The following CSMD1 variants were observed in gnomAD, a reference collection of about 807,000 sequenced individuals.
The protein encoded by CSMD1 is CUB and Sushi multiple domains 1, also known as CUB and sushi domain-containing protein 1.
CSMD1 carries 213 observed loss-of-function variants against 417.5 expected under a neutral mutation model. The ratio of observed to expected loss-of-function variants is 0.51; its 90% CI spans 0.46 to 0.57. CSMD1 has a LOEUF of 0.57. Ranked by LOEUF, CSMD1 falls within the 20% of genes least tolerant of loss-of-function variation. CSMD1 has a pLI of 0.00. For synonymous variants in CSMD1, 2,862 were observed against 1,736.8 expected, an observed-to-expected ratio of 1.65 and a Z score of -16.11; for missense variants, 6,923 against 4,529.7, an observed-to-expected ratio of 1.53 and a Z score of -15.17.
intron 1 of CSMD1, among the ~76,000 whole-genome samples, chr8:4,738,432 A>G (rs1193221412): frequency 6.6e-6 from 1 of 152,110 alleles, no homozygotes; most frequent in East Asian, 1.9e-4. Context: ...GAAGGGGGAA[A>G]AGCCCCTTAT....
chr8:4,453,348 C>G (rs1799266426), intron 2 of CSMD1, among the ~76,000 whole-genome samples: 1 of 152,168 alleles, frequency 6.6e-6, no homozygotes, highest in Non-Finnish European at 1.5e-5. Context: ...ACCAACTGCC[C>G]CAGTCTGCTG....
intron 5 of CSMD1, among the ~76,000 whole-genome samples, chr8:3,965,316 A>T (rs913439890): frequency 2.6e-5 from 4 of 152,182 alleles, no homozygotes; most frequent in African/African-American, 9.7e-5. Context: ...AAATGCTACC[A>T]TGAAGATAAT....
intron 2 of CSMD1, among the ~76,000 whole-genome samples, chr8:4,478,076 C>T (rs1800897719): frequency 6.6e-6 from 1 of 152,134 alleles, no homozygotes; most frequent in Non-Finnish European, 1.5e-5. Context: ...CTGATTTTAA[C>T]CTGTTTTTTT....
chr8:4,263,549 C>A (rs914048619), intron 3 of CSMD1, among the ~76,000 whole-genome samples: 1 of 152,140 alleles, frequency 6.6e-6, no homozygotes, highest in Non-Finnish European at 1.5e-5. Context: ...ACTTTGATGT[C>A]TTTCTTGGAA....
chr8:4,861,180 T>C (rs1020758513), intron 1 of CSMD1, among the ~76,000 whole-genome samples: 2 of 152,162 alleles, frequency 1.3e-5, no homozygotes, highest in African/African-American at 4.8e-5. Flanking sequence ...GATAATAGAT[T>C]CTGACATTTA....
At chr8:4,343,922 A>T (rs2128896573) in intron 3 of CSMD1, among the ~76,000 whole-genome samples, 1 of 152,288 alleles carries the variant, frequency 6.6e-6, no homozygotes, top group Admixed American at 6.5e-5. Flanking sequence ...AAATACTGCC[A>T]AGAGAAGTGT....
At position 4,110,095 on chromosome 8, in the gene CSMD1, A is replaced by G. The variant is rs563854367; in HGVS notation, c.416-77996T>C. On this transcript the variant is annotated intron_variant, in intron 3 of 69. Coordinates refer to ENST00000635120, the MANE Select transcript of CSMD1 (RefSeq NM_033225.6). Reference sequence around the variant, plus strand: ...CACGTGGAATAATAAGCTTTCCTCCAGCATGGAAATAACGGTGGAGTTGGA... The same window carrying G: ...CACGTGGAATAATAAGCTTTCCTCCGGCATGGAAATAACGGTGGAGTTGGA... Among the ~76,000 whole-genome samples the G allele has an allele frequency of 8.9e-4, 136 of 152,322 alleles. 1 individual carries two copies. The highest frequency in any genetic ancestry group is 3.2e-3 in the African/African-American group (132 of 41,594).
chr8:4,523,997 A>G (rs1040632685), intron 2 of CSMD1, among the ~76,000 whole-genome samples: 1 of 152,030 alleles, frequency 6.6e-6, no homozygotes, highest in African/African-American at 2.4e-5. Context: ...ATGGGTCCCT[A>G]TGTTAGGTTT....
At chr8:3,064,665 AC>A (rs1812802074) in intron 49 of CSMD1, among the ~76,000 whole-genome samples, 3 of 152,186 alleles carry the variant, frequency 2.0e-5, no homozygotes, top group Admixed American at 1.3e-4. Context: ...CAGTAAGCAA[AC>A]CAGCTGCTGA....
At position 3,544,068 on chromosome 8, in the gene CSMD1, G is replaced by A. The variant is rs551995108; in HGVS notation, c.1344+30877C>T. On this transcript the variant is annotated intron_variant, in intron 10 of 69. Coordinates refer to ENST00000635120, the MANE Select transcript of CSMD1 (RefSeq NM_033225.6). ...GTGTCCAGTGCTAACCACAGGCCAA[G>A]GTGTGAGAGGTGTTTGAACCAGAGC... Among the ~76,000 whole-genome samples, 94 of 152,240 alleles carry A rather than the reference G, an allele frequency of 6.2e-4. 1 individual carries two copies. The highest frequency in any genetic ancestry group is 2.2e-3 in the African/African-American group (91 of 41,572).
At chr8:3,487,989 A>G (rs1347128249) in intron 11 of CSMD1, among the ~76,000 whole-genome samples, 1 of 149,466 alleles carries the variant, frequency 6.7e-6, no homozygotes, top group African/African-American at 2.5e-5. Context: ...GACACAGAAG[A>G]CTAAAAAAAA....
intron 2 of CSMD1, among the ~76,000 whole-genome samples, chr8:4,483,188 C>T (rs1303116680): frequency 6.6e-6 from 1 of 152,144 alleles, no homozygotes; most frequent in Non-Finnish European, 1.5e-5. Flanking sequence ...ACTTGGTTCT[C>T]ATTCTCTCTC....
intron 2 of CSMD1, among the ~76,000 whole-genome samples, chr8:4,588,806 A>ACACACACAC (rs1563313415): frequency 1.3e-5 from 2 of 150,982 alleles, no homozygotes; most frequent in Non-Finnish European, 3.0e-5. Flanking sequence ...ACACACACAC[A>ACACACACAC]AAAGAAACTC....
At chr8:4,233,979 G>C (rs912430744) in intron 3 of CSMD1, among the ~76,000 whole-genome samples, 1 of 151,918 alleles carries the variant, frequency 6.6e-6, no homozygotes, top group Non-Finnish European at 1.5e-5. Flanking sequence ...GGCGGGGGGT[G>C]GGGGAACATG....
intron 2 of CSMD1, among the ~76,000 whole-genome samples, chr8:4,513,023 C>T (rs1310054799): frequency 6.6e-6 from 1 of 152,054 alleles, no homozygotes; most frequent in Non-Finnish European, 1.5e-5. Context: ...ATAAGCAGAG[C>T]ACAGATAATT....
intron 23 of CSMD1, among the ~76,000 whole-genome samples, chr8:3,328,462 A>G (rs916953031): frequency 6.6e-6 from 1 of 152,122 alleles, no homozygotes; most frequent in African/African-American, 2.4e-5. Context: ...ACCTTACAAA[A>G]TTTTGTCTGT....
At chr8:3,457,362 C>A (rs1479674125) in intron 12 of CSMD1, among the ~76,000 whole-genome samples, 1 of 152,186 alleles carries the variant, frequency 6.6e-6, no homozygotes, top group East Asian at 1.9e-4. Flanking sequence ...CTAACTTCTT[C>A]AGTTTCTCTC....
intron 3 of CSMD1, among the ~76,000 whole-genome samples, chr8:4,268,586 A>G (rs1211669188): frequency 6.6e-6 from 1 of 152,182 alleles, no homozygotes; most frequent in East Asian, 1.9e-4. Context: ...TCATTTCCAA[A>G]GACTTATTTT....
chr8:2,993,775 G>A (rs979061195), intron 54 of CSMD1, among the ~76,000 whole-genome samples: 4 of 152,072 alleles, frequency 2.6e-5, no homozygotes, highest in African/African-American at 7.2e-5. Context: ...GACAGCTCCC[G>A]TCTCGGCCCT....
Sources: gnomAD v4.1 joint callset for allele counts (sites outside exome capture counted in the v4.1 genomes callset) on GRCh38, gnomAD v4.1.1 for gene constraint, MANE v1.5 for transcripts, NCBI Gene and HGNC (gene_info 2026-07-23, HGNC 2026-07-21) for gene names.